Variants in CLASP1 observed in about 807,000 individuals in gnomAD.
The protein encoded by CLASP1 is cytoplasmic linker associated protein 1, also known as CLIP-associating protein 1.
CLASP1 carries 38 observed loss-of-function variants against 192.3 expected under a neutral mutation model. The observed-to-expected ratio is 0.20, with a 90% CI of 0.15 to 0.26. The LOEUF is 0.26. CLASP1 is among the 10% of genes least tolerant of loss of function. CLASP1 has a pLI of 1.00. For synonymous variants in CLASP1, 691 were observed against 712.8 expected, an observed-to-expected ratio of 0.97 and a Z score of 0.49; for missense variants, 1,433 against 1,932.5, an observed-to-expected ratio of 0.74 and a Z score of 4.85.
intron 34 of CLASP1, 138 bp from the exon 36 acceptor site, chr2:121,367,969 T>G (rs1271105080): frequency 8.9e-7 from 1 of 1,123,898 alleles, no homozygotes; most frequent in Non-Finnish European, 1.2e-6. Flanking sequence ...CTACTAGTAC[T>G]GCAATGTAAA....
chr2:121,601,182 G>A (rs2063739441), intron 2 of CLASP1, among the ~76,000 whole-genome samples: 1 of 151,846 alleles, frequency 6.6e-6, no homozygotes, highest in Admixed American at 6.6e-5. Context: ...GTGGAGTTGT[G>A]ACCCAAAAAC....
intron 16 of CLASP1, among the ~76,000 whole-genome samples, chr2:121,449,433 C>T (rs1192770733): frequency 6.6e-6 from 1 of 152,096 alleles, no homozygotes; most frequent in Non-Finnish European, 1.5e-5. Flanking sequence ...TAAGACCATA[C>T]CTAGAACACA....
intron 12 of CLASP1, 43 bp from the exon 13 acceptor site, chr2:121,459,018 G>C (rs2087282660): frequency 6.7e-7 from 1 of 1,495,504 alleles, no homozygotes; most frequent in Non-Finnish European, 9.0e-7. Flanking sequence ...ATTTTTCTTA[G>C]AGACAGTGAA....
chr2:121,537,111 G>C (rs1244795279), intron 2 of CLASP1, among the ~76,000 whole-genome samples: 1 of 152,098 alleles, frequency 6.6e-6, no homozygotes, highest in Non-Finnish European at 1.5e-5. Context: ...AGAATAAAAG[G>C]CCGGGCACAG....
chr2:121,481,355 T>C (rs1438653433), intron 8 of CLASP1, among the ~76,000 whole-genome samples: 1 of 152,156 alleles, frequency 6.6e-6, no homozygotes, highest in Non-Finnish European at 1.5e-5. Context: ...TATTGAGACA[T>C]GGAGGTTAAA....
intron 2 of CLASP1, among the ~76,000 whole-genome samples, chr2:121,542,089 T>G (rs2095246756): frequency 9.5e-6 from 1 of 105,204 alleles, no homozygotes; most frequent in Non-Finnish European, 2.1e-5. Flanking sequence ...ATGGACATCT[T>G]CCCAAGTCAA....
At chr2:121,374,882 G>A (rs1484250379) in intron 34 of CLASP1, among the ~76,000 whole-genome samples, 1 of 152,206 alleles carries the variant, frequency 6.6e-6, no homozygotes, top group East Asian at 1.9e-4. Flanking sequence ...TAGGCGGAAG[G>A]GACTTGCTTT....
chr2:121,459,955 G>A (rs760475146), intron 12 of CLASP1, 25 bp downstream of exon 12: 289 of 1,599,172 alleles, frequency 1.8e-4, no homozygotes, highest in Non-Finnish European at 2.4e-4. Flanking sequence ...TTTATGGTGA[G>A]AATATGGAGC....
At chr2:121,531,589 A>C (rs1255388198) in intron 2 of CLASP1, among the ~76,000 whole-genome samples, 1 of 106,808 alleles carries the variant, frequency 9.4e-6, no homozygotes, top group Non-Finnish European at 1.7e-5. Context: ...GCGAGACTCC[A>C]TCTCAAAAAA....
chr2:121,358,335 T>C (rs1056808145), intron 37 of CLASP1, among the ~76,000 whole-genome samples: 2 of 152,166 alleles, frequency 1.3e-5, no homozygotes, highest in Non-Finnish European at 2.9e-5. Context: ...CCTAGTCCAC[T>C]TGATAGGGTA....
At chr2:121,507,567 C>A (rs375058030) in intron 7 of CLASP1, among the ~76,000 whole-genome samples, 1 of 152,124 alleles carries the variant, frequency 6.6e-6, no homozygotes, top group Non-Finnish European at 1.5e-5. Context: ...TAGTTGTTAT[C>A]GTTGCCTCAG....
At chr2:121,620,313 T>C (rs74876932) in intron 1 of CLASP1, among the ~76,000 whole-genome samples, 29,270 of 152,016 alleles carry the variant, frequency 0.19, 5,037 homozygotes, top group African/African-American at 0.46. Context: ...AAGTGGCATC[T>C]AATTGTGGTT....
chr2:121,627,018 G>A (rs940208795), intron 1 of CLASP1, among the ~76,000 whole-genome samples: 22 of 143,994 alleles, frequency 1.5e-4, no homozygotes, highest in African/African-American at 3.2e-4. Flanking sequence ...ATTCCCACAA[G>A]CAGCCTTAGG....
At chr2:121,521,002 GA>G (rs778601148) in intron 6 of CLASP1, among the ~76,000 whole-genome samples, 4 of 152,166 alleles carry the variant, frequency 2.6e-5, no homozygotes, top group Non-Finnish European at 4.4e-5. Context: ...AAAGCTTCTA[GA>G]AAACATTTCT....
At chr2:121,554,454 T>TAAAAAAAAA (rs56965310) in intron 2 of CLASP1, among the ~76,000 whole-genome samples, 2 of 87,562 alleles carry the variant, frequency 2.3e-5, no homozygotes, top group African/African-American at 4.4e-5. Context: ...CTACAAAAAG[T>TAAAAAAAAA]AAAAAAAAAA....
In CLASP1 at chr2:121,387,514, C is replaced by G. The variant is rs1327235227; in HGVS notation, c.3267+249G>C. Among the ~76,000 whole-genome samples the G allele has an allele frequency of 3.3e-5, 5 of 152,210 alleles. No individual in the cohort carries two copies. In the East Asian group the frequency reaches 9.7e-4, roughly 29 times the overall value. On this transcript the variant is annotated intron_variant, in intron 31 of 39. Coordinates refer to ENST00000263710, the Ensembl canonical transcript of CLASP1. ...CCAGTGTTGAAAAATAAGACCAACTCAGTGAATGAATGACTAACTGGATAA... is the reference window on the plus strand; with the variant it reads ...CCAGTGTTGAAAAATAAGACCAACTGAGTGAATGAATGACTAACTGGATAA...
chr2:121,430,102 C>T (rs1160589143), exon 20 of CLASP1: 1 of 1,573,466 alleles, frequency 6.4e-7, no homozygotes, highest in Admixed American at 1.8e-5. Flanking sequence ...TTTAGCGCGA[C>T]TGCGGCCCCG....
At chr2:121,427,159 A>G (rs1374918356) in intron 21 of CLASP1, among the ~76,000 whole-genome samples, 1 of 152,172 alleles carries the variant, frequency 6.6e-6, no homozygotes, top group Non-Finnish European at 1.5e-5. Context: ...ATAAAAACCA[A>G]TGAAGAATTT....
At chr2:121,464,422 C>T (rs907213342) in intron 9 of CLASP1, among the ~76,000 whole-genome samples, 18 of 152,160 alleles carry the variant, frequency 1.2e-4, no homozygotes, top group African/African-American at 4.1e-4. Context: ...AATCGCCACA[C>T]TGACTTCCAC....
Sources: gnomAD v4.1 joint callset for allele counts (sites outside exome capture counted in the v4.1 genomes callset) on GRCh38, gnomAD v4.1.1 for gene constraint, MANE v1.5 for transcripts, NCBI Gene and HGNC (gene_info 2026-07-23, HGNC 2026-07-21) for gene names.